The following CELF2 variants were observed in gnomAD, a reference collection of about 807,000 sequenced individuals.
CELF2 encodes CUG triplet repeat RNA-binding protein 2.
CELF2 carries 8 observed loss-of-function variants against 62.6 expected under a neutral mutation model. The ratio of observed to expected loss-of-function variants is 0.13; its 90% CI spans 0.07 to 0.23. CELF2 has a LOEUF of 0.23. Among genes scored for constraint, CELF2 ranks in the 10% least tolerant of loss-of-function variants. CELF2 has a pLI of 1.00. For synonymous variants in CELF2, 258 were observed against 250.0 expected (o/e 1.03, Z -0.30); for missense variants, 333 against 671.0 (o/e 0.50, Z 5.56).
chr10:10,715,857 A>T, the CELF2 span, among the ~76,000 whole-genome samples: 1 of 152,222 alleles, frequency 6.6e-6, no homozygotes, highest in Non-Finnish European at 1.5e-5. Context: ...CTTTGCATTT[A>T]TAAGGAACAC....
chr10:10,967,446 T>G (rs1449722943), intron 2 of CELF2, among the ~76,000 whole-genome samples: 1 of 152,036 alleles, frequency 6.6e-6, no homozygotes, highest in South Asian at 2.1e-4. Flanking sequence ...TTAGTCCCAG[T>G]ACTTTGAGAA....
intron 2 of CELF2, among the ~76,000 whole-genome samples, chr10:11,187,072 C>T (rs2075138188): frequency 6.6e-6 from 1 of 152,150 alleles, no homozygotes; most frequent in Admixed American, 6.6e-5. Context: ...GAGTTGTGTT[C>T]TGCAAATCTT....
intron 4 of CELF2, among the ~76,000 whole-genome samples, chr10:11,256,388 G>A (rs1013162694): frequency 2.6e-5 from 4 of 152,076 alleles, no homozygotes; most frequent in East Asian, 1.9e-4. Context: ...TTGCCTATTC[G>A]CTAAATGAAA....
chr10:11,046,642 C>T lies in CELF2; in HGVS notation c.74+28479C>T, dbSNP rs2062902093. 6.6e-6 allele frequency among the ~76,000 whole-genome samples: 1 copy of T among 152,032 alleles called. No individual in the cohort carries two copies. On this transcript the variant is annotated intron_variant, in intron 1 of 12. Transcript: ENST00000633077. The surrounding 1 kb of genome is among the most constrained non-coding windows in gnomAD (Gnocchi z 4.6). ...TTCTCCTCATTTACCCTTTCTTTTC[C>T]TAACTCATTTCAGACGGACGCTAAT...
the CELF2 span, among the ~76,000 whole-genome samples, chr10:10,733,500 A>T: frequency 3.9e-5 from 6 of 152,084 alleles, no homozygotes; most frequent in Non-Finnish European, 8.8e-5. Context: ...GGATGGGTTC[A>T]AGTTTCATGG....
chr10:10,657,162 C>T, the CELF2 span, among the ~76,000 whole-genome samples: 1 of 151,932 alleles, frequency 6.6e-6, no homozygotes, highest in African/African-American at 2.4e-5. Context: ...CACAAAAGGC[C>T]AAATAATGCA....
chr10:10,462,815 T>C, the CELF2 span, among the ~76,000 whole-genome samples: 1 of 152,020 alleles, frequency 6.6e-6, no homozygotes, highest in Admixed American at 6.5e-5. Context: ...ATGATGCTTC[T>C]CTCTGCAAAT....
At chr10:10,846,515 C>T (rs1040185861) in intron 1 of CELF2, among the ~76,000 whole-genome samples, 3 of 152,206 alleles carry the variant, frequency 2.0e-5, no homozygotes, top group Admixed American at 6.5e-5. Flanking sequence ...TTCCCTGTCA[C>T]TTTCTTTTCA....
At chr10:10,977,195 A>G (rs1166416036) in intron 2 of CELF2, among the ~76,000 whole-genome samples, 1 of 152,210 alleles carries the variant, frequency 6.6e-6, no homozygotes. Context: ...ATTCTTCCTG[A>G]AATTGTTTTG....
chr10:11,085,585 C>G (rs1433266365), intron 1 of CELF2, among the ~76,000 whole-genome samples: 1 of 151,972 alleles, frequency 6.6e-6, no homozygotes, highest in African/African-American at 2.4e-5. Context: ...GCTGCTTTCC[C>G]CAGTTTACAG....
chr10:10,795,897 G>C (rs186011882), upstream of CELF2, among the ~76,000 whole-genome samples: 220 of 152,144 alleles, frequency 1.4e-3, no homozygotes, highest in African/African-American at 5.2e-3. Flanking sequence ...AGGGTCTTAG[G>C]AGTGAATCGG....
At chr10:10,546,442 G>A in the CELF2 span, among the ~76,000 whole-genome samples, 2 of 152,164 alleles carry the variant, frequency 1.3e-5, no homozygotes, top group Non-Finnish European at 2.9e-5. Context: ...CAGTTTTCAT[G>A]GTCATTGGTG....
intron 9 of CELF2, among the ~76,000 whole-genome samples, chr10:11,298,503 C>T (rs1241173864): frequency 7.9e-5 from 12 of 152,126 alleles, no homozygotes; most frequent in Non-Finnish European, 8.8e-5. Context: ...CATGCCGGGG[C>T]AGAGGTTTAA....
chr10:10,741,858 A>G, the CELF2 span, among the ~76,000 whole-genome samples: 5 of 152,172 alleles, frequency 3.3e-5, no homozygotes, highest in African/African-American at 1.2e-4. Context: ...CTCTAATTTT[A>G]TAATCCATTT....
At chr10:10,583,791 A>C in the CELF2 span, among the ~76,000 whole-genome samples, 1 of 152,182 alleles carries the variant, frequency 6.6e-6, no homozygotes, top group African/African-American at 2.4e-5. Flanking sequence ...ACTGGAACCC[A>C]GGAGTGGAAG....
At chr10:10,713,750 A>T in the CELF2 span, among the ~76,000 whole-genome samples, 1 of 152,204 alleles carries the variant, frequency 6.6e-6, no homozygotes, top group African/African-American at 2.4e-5. Context: ...AAATATGGGG[A>T]TAGGCCGGGC....
chr10:10,470,240 G>A, the CELF2 span, among the ~76,000 whole-genome samples: 57 of 151,810 alleles, frequency 3.8e-4, 1 homozygote, highest in East Asian at 4.3e-3. Context: ...TATCTCTACC[G>A]TCATCCTTAG....
intron 1 of CELF2, among the ~76,000 whole-genome samples, chr10:11,096,797 T>C (rs1270931925): frequency 6.6e-6 from 1 of 152,226 alleles, no homozygotes; most frequent in Non-Finnish European, 1.5e-5. Flanking sequence ...TTACTTGTCC[T>C]CTATCTACCA....
At chr10:10,906,606 C>A (rs2063354958) in intron 1 of CELF2, among the ~76,000 whole-genome samples, 1 of 151,516 alleles carries the variant, frequency 6.6e-6, no homozygotes, top group African/African-American at 2.4e-5. Context: ...CCAGGGGGTT[C>A]TTAGTTTTGA....
Sources: allele counts gnomAD v4.1 joint callset (sites outside exome capture counted in the v4.1 genomes callset), GRCh38; gene constraint gnomAD v4.1.1; non-coding constraint Gnocchi (gnomAD v3.1); transcripts MANE v1.5; gene names NCBI Gene and HGNC (gene_info 2026-07-23, HGNC 2026-07-21).